Variants in TRAPPC9 observed in about 807,000 individuals in gnomAD.
The protein encoded by TRAPPC9 is IKK2 binding protein.
A neutral mutation model predicts 124.0 loss-of-function variants in TRAPPC9; 83 were observed. The observed-to-expected ratio is 0.67, with a 90% CI of 0.56 to 0.80. The LOEUF is 0.80. Among genes scored for constraint, TRAPPC9 ranks in the 30% least tolerant of loss-of-function variants. The probability of loss-of-function intolerance (pLI) is 0.00; values close to 1 mark genes in which losing one functional copy is unlikely to be tolerated. For synonymous variants in TRAPPC9, 638 were observed against 617.5 expected (o/e 1.03, Z -0.49); for missense variants, 1,302 against 1,508.3 (o/e 0.86, Z 2.27).
chr8:139,771,240 CATCT>C (rs1393369291), intron 21 of TRAPPC9, among the ~76,000 whole-genome samples: 36 of 152,196 alleles, frequency 2.4e-4, no homozygotes, highest in Non-Finnish European at 4.7e-4. Flanking sequence ...CTTAACGCAT[CATCT>C]ATCTGCCACA....
rs543631775 is a variant in TRAPPC9 at position 139,859,649 on chromosome 8, A to C, written c.3055+26230T>G. On this transcript the variant is annotated intron_variant, in intron 21 of 22. Coordinates refer to ENST00000438773, the MANE Select transcript of TRAPPC9 (RefSeq NM_001160372.4). ...GATGTCAGATCTGCCCCATGCGGCC[A>C]GACGGCCAGAGAGAAGCTGGGGACA... 1.2e-4 allele frequency among the ~76,000 whole-genome samples: 19 copies of C among 152,358 alleles called. No homozygotes were observed. In the East Asian group the frequency reaches 3.7e-3, roughly 29 times the overall value.
At chr8:140,146,817 T>C (rs1333924983) in intron 17 of TRAPPC9, among the ~76,000 whole-genome samples, 1 of 139,836 alleles carries the variant, frequency 7.2e-6, no homozygotes, top group Non-Finnish European at 1.5e-5. Context: ...ATAAACTCTA[T>C]AACCTTGGGC....
intron 9 of TRAPPC9, among the ~76,000 whole-genome samples, chr8:140,349,467 G>A (rs981426726): frequency 9.9e-5 from 15 of 151,266 alleles, no homozygotes; most frequent in Non-Finnish European, 1.9e-4. Flanking sequence ...CAGGGGGGCC[G>A]AAGGGGGCGC....
intron 21 of TRAPPC9, among the ~76,000 whole-genome samples, chr8:139,793,181 C>T (rs1448716382): frequency 1.6e-4 from 25 of 152,158 alleles, no homozygotes; most frequent in Admixed American, 1.6e-3. Flanking sequence ...TTCTTGGAGT[C>T]GCTGTCAGGA....
At chr8:140,113,508 C>T (rs1353933100) in intron 17 of TRAPPC9, among the ~76,000 whole-genome samples, 1 of 152,208 alleles carries the variant, frequency 6.6e-6, no homozygotes, top group African/African-American at 2.4e-5. Context: ...AGAGAGACCA[C>T]CCTTTCCCGG....
intron 21 of TRAPPC9, among the ~76,000 whole-genome samples, chr8:139,858,532 A>T (rs1214875487): frequency 6.6e-6 from 1 of 152,140 alleles, no homozygotes; most frequent in African/African-American, 2.4e-5. Context: ...CAACTGACTC[A>T]CATCTTCTCT....
chr8:140,330,028 G>A (rs1052536972), intron 9 of TRAPPC9, among the ~76,000 whole-genome samples: 2 of 151,974 alleles, frequency 1.3e-5, no homozygotes, highest in African/African-American at 2.4e-5. Flanking sequence ...GCAGGGAGCC[G>A]AGATTGCGCC....
At chr8:140,007,525 C>T (rs1195376581) in intron 18 of TRAPPC9, among the ~76,000 whole-genome samples, 2 of 152,178 alleles carry the variant, frequency 1.3e-5, no homozygotes, top group Non-Finnish European at 2.9e-5. Context: ...GGAAATTAAA[C>T]TCTACAATGA....
At chr8:139,845,884 AG>A (rs1827042973) in intron 21 of TRAPPC9, among the ~76,000 whole-genome samples, 1 of 152,202 alleles carries the variant, frequency 6.6e-6, no homozygotes, top group East Asian at 1.9e-4. Context: ...TTGTTGTCAA[AG>A]GGTTTCCAGG....
At chr8:139,949,759 G>A (rs1250825428) in intron 19 of TRAPPC9, among the ~76,000 whole-genome samples, 1 of 152,042 alleles carries the variant, frequency 6.6e-6, no homozygotes, top group Non-Finnish European at 1.5e-5. Flanking sequence ...GTGGAAAGGG[G>A]GAGTGGTGGC....
At chr8:139,938,448 C>T (rs528915060) in intron 19 of TRAPPC9, among the ~76,000 whole-genome samples, 1 of 151,584 alleles carries the variant, frequency 6.6e-6, no homozygotes, top group Non-Finnish European at 1.5e-5. Flanking sequence ...CCATGCCCAG[C>T]TAATATTTTG....
intron 21 of TRAPPC9, among the ~76,000 whole-genome samples, chr8:139,795,782 G>C (rs936071384): frequency 6.6e-6 from 1 of 152,120 alleles, no homozygotes; most frequent in Non-Finnish European, 1.5e-5. Flanking sequence ...GCGGACCTCT[G>C]GGACAGAAAA....
intron 9 of TRAPPC9, among the ~76,000 whole-genome samples, chr8:140,338,598 G>C (rs2067107273): frequency 6.6e-6 from 1 of 152,214 alleles, no homozygotes. Flanking sequence ...AATGAGTTTT[G>C]CTGGGGTGAA....
intron 17 of TRAPPC9, 146 bp downstream of exon 17, chr8:140,221,313 T>C: frequency 7.9e-7 from 1 of 1,265,920 alleles, no homozygotes; most frequent in Admixed American, 1.8e-5. Flanking sequence ...TCCAAAACAT[T>C]GTCCAAGAAC....
Position 140,036,020 on chromosome 8 carries a change from G to C in TRAPPC9, c.2557-11941C>G, listed in dbSNP as rs1180925162. 2.0e-5 allele frequency among the ~76,000 whole-genome samples: 3 copies of C among 152,172 alleles called. No individual in the cohort carries two copies. In the East Asian group the frequency reaches 5.8e-4, roughly 29 times the overall value. ...CTTTCCACCTGACTGGGCTACACAG[G>C]GGAATTGAATGCCCAACTCACCCGT... On this transcript the variant is annotated intron_variant, in intron 17 of 22. Transcript: ENST00000438773.
intron 17 of TRAPPC9, among the ~76,000 whole-genome samples, chr8:140,134,112 G>T (rs2061253489): frequency 1.3e-5 from 2 of 152,018 alleles, no homozygotes; most frequent in Admixed American, 1.3e-4. Context: ...AAAGAACAAA[G>T]TTAGAGGACT....
rs1444781230 is a variant in TRAPPC9 at position 140,056,791 on chromosome 8, CA to C, written c.2557-32713del. Reference sequence around the variant, plus strand: ...GATATGACACCAAAAACACAGGCAACAAAAGCAAAACCAGACAAAATGAACT... The same window carrying C: ...GATATGACACCAAAAACACAGGCAACAAAGCAAAACCAGACAAAATGAACT... On this transcript the variant is annotated intron_variant, in intron 17 of 22. Coordinates refer to ENST00000438773, the MANE Select transcript of TRAPPC9 (RefSeq NM_001160372.4). Among the ~76,000 whole-genome samples the C allele has an allele frequency of 2.0e-5, 3 of 152,214 alleles. No homozygotes were observed. The East Asian group carries it at 5.8e-4, about 29-fold the overall frequency.
intron 17 of TRAPPC9, among the ~76,000 whole-genome samples, chr8:140,047,104 T>C (rs1002350087): frequency 3.9e-5 from 6 of 152,202 alleles, no homozygotes; most frequent in African/African-American, 7.2e-5. Context: ...AGCCCAACCC[T>C]GCCTGGGCCC....
chr8:139,797,813 C>G (rs1223502489), intron 21 of TRAPPC9, among the ~76,000 whole-genome samples: 2 of 152,178 alleles, frequency 1.3e-5, no homozygotes, highest in Non-Finnish European at 2.9e-5. Context: ...GCCGTAAATG[C>G]AAGGGTTGGT....
Sources: allele counts gnomAD v4.1 joint callset (sites outside exome capture counted in the v4.1 genomes callset), GRCh38; gene constraint gnomAD v4.1.1; transcripts MANE v1.5; gene names NCBI Gene and HGNC (gene_info 2026-07-23, HGNC 2026-07-21).